The following LRIG1 variants were observed in gnomAD, a reference collection of about 807,000 sequenced individuals.
The protein encoded by LRIG1 is leucine rich repeats and immunoglobulin like domains 1, also known as leucine-rich repeats and immunoglobulin-like domains protein 1.
LRIG1 carries 48 observed loss-of-function variants against 99.2 expected under a neutral mutation model. That is an observed-to-expected ratio of 0.48 (90% confidence interval 0.38 to 0.62). The LOEUF is 0.62. LRIG1 is among the 20% of genes least tolerant of loss of function. The pLI is 0.00. For missense variants in LRIG1, 1,646 were observed against 1,434.4 expected (o/e 1.15, Z -2.38); for synonymous variants, 772 against 596.1 (o/e 1.29, Z -4.30).
chr3:66,478,159 C>T (rs17044689), intron 1 of LRIG1, among the ~76,000 whole-genome samples: 11,153 of 152,256 alleles, frequency 0.073, 1,224 homozygotes, highest in African/African-American at 0.24. Context: ...ACTTTCTGCA[C>T]GTTGCTACCA....
At chr3:66,392,757 G>A (rs13084883) in intron 12 of LRIG1, among the ~76,000 whole-genome samples, 31,555 of 152,166 alleles carry the variant, frequency 0.21, 3,515 homozygotes, top group Admixed American at 0.28. Context: ...CTGCCCTATG[G>A]CAGGAAAGGG....
intron 8 of LRIG1, chr3:66,406,330 T>TG (rs1268596300): frequency 1.8e-5 from 18 of 985,536 alleles, no homozygotes; most frequent in Non-Finnish European, 2.0e-5. Flanking sequence ...CCTGTCTCTC[T>TG]GCTCCTAGCC....
At position 66,401,431 on chromosome 3, in the gene LRIG1, T is replaced by A. The variant is rs575073799; in HGVS notation, c.1161-2390A>T. On this transcript the variant is annotated intron_variant, in intron 9 of 18. Transcript: ENST00000273261. ...ACTGTTTAGTGAAATCTCCTGTAAA[T>A]GAGATCCAGGAAAAAGCTGCGCTTT... Among the ~76,000 whole-genome samples, 8 of 152,340 alleles carry A rather than the reference T, an allele frequency of 5.3e-5. No individual in the cohort carries two copies. In the East Asian group the frequency reaches 1.4e-3, roughly 26 times the overall value.
intron 13 of LRIG1, 34 bp from the exon 14 acceptor site, chr3:66,384,306 G>C (rs369483136): frequency 2.5e-6 from 4 of 1,587,730 alleles, no homozygotes; most frequent in Admixed American, 3.4e-5. Context: ...TCGGGTTACG[G>C]GACAGCTAGA....
intron 1 of LRIG1, among the ~76,000 whole-genome samples, chr3:66,490,501 C>T (rs992976182): frequency 1.3e-5 from 2 of 152,240 alleles, no homozygotes; most frequent in South Asian, 2.1e-4. Flanking sequence ...AAAAATAAAA[C>T]GAAAACTAAG....
intron 1 of LRIG1, among the ~76,000 whole-genome samples, chr3:66,471,415 ACCT>A (rs1700592989): frequency 6.6e-6 from 1 of 152,104 alleles, no homozygotes; most frequent in Admixed American, 6.5e-5. Context: ...CTGAATCTTT[ACCT>A]CCTGGGAGCC....
At chr3:66,430,433 A>T (rs954462965) in intron 3 of LRIG1, among the ~76,000 whole-genome samples, 2 of 152,154 alleles carry the variant, frequency 1.3e-5, no homozygotes, top group Non-Finnish European at 2.9e-5. Flanking sequence ...TGCAATGTTG[A>T]GACAATTATG....
intron 13 of LRIG1, among the ~76,000 whole-genome samples, chr3:66,384,620 A>G (rs1701272502): frequency 6.6e-6 from 1 of 151,614 alleles, no homozygotes; most frequent in African/African-American, 2.4e-5. Flanking sequence ...CCACCAAGAG[A>G]GAGGCTGTGG....
intron 3 of LRIG1, among the ~76,000 whole-genome samples, chr3:66,440,323 T>G (rs1400803679): frequency 6.6e-6 from 1 of 152,078 alleles, no homozygotes; most frequent in Non-Finnish European, 1.5e-5. Flanking sequence ...CTACTATGAG[T>G]GAGAGCCACC....
intron 1 of LRIG1, among the ~76,000 whole-genome samples, chr3:66,499,444 C>T (rs1701303293): frequency 6.6e-6 from 1 of 152,164 alleles, no homozygotes; most frequent in African/African-American, 2.4e-5. Flanking sequence ...TCATCAAGCC[C>T]AATGGGGCCC....
intron 16 of LRIG1, among the ~76,000 whole-genome samples, chr3:66,381,950 C>G (rs192920722): frequency 2.7e-5 from 4 of 150,494 alleles, no homozygotes; most frequent in Non-Finnish European, 5.9e-5. Flanking sequence ...GACCTGGGCA[C>G]GTTCCCCATG....
At chr3:66,385,848 A>G (rs1442155645) in intron 13 of LRIG1, 133 bp downstream of exon 13, 4 of 837,018 alleles carry the variant, frequency 4.8e-6, no homozygotes, top group Non-Finnish European at 3.8e-6. Flanking sequence ...CCAGGCAACA[A>G]TAGGATTTAA....
At chr3:66,447,103 G>A (rs998707185) in intron 3 of LRIG1, among the ~76,000 whole-genome samples, 7 of 152,070 alleles carry the variant, frequency 4.6e-5, no homozygotes, top group Non-Finnish European at 8.8e-5. Context: ...GTACATAGTA[G>A]GTGTATATAT....
chr3:66,382,578 A>C (rs1264166276), intron 15 of LRIG1, among the ~76,000 whole-genome samples, 180 bp from the exon 16 acceptor site: 1 of 152,122 alleles, frequency 6.6e-6, no homozygotes, highest in East Asian at 1.9e-4. Context: ...GCTTTACTCT[A>C]CACCCAGCGT....
intron 15 of LRIG1, 115 bp from the exon 16 acceptor site, chr3:66,382,513 G>T: frequency 8.4e-7 from 1 of 1,194,566 alleles, no homozygotes; most frequent in Non-Finnish European, 1.2e-6. Context: ...TCAGCGCTGT[G>T]CAGAGAGATG....
chr3:66,453,957 A>C (rs1178929019), intron 2 of LRIG1, among the ~76,000 whole-genome samples: 1 of 152,228 alleles, frequency 6.6e-6, no homozygotes, highest in African/African-American at 2.4e-5. Flanking sequence ...GGGCATCATG[A>C]TATTTCAAAT....
At chr3:66,388,060 T>G (rs1701464253) in intron 12 of LRIG1, 1 of 116,298 alleles carries the variant, frequency 8.6e-6, no homozygotes, top group Non-Finnish European at 1.6e-5. Context: ...TGAGCCAAGA[T>G]CACGCCACTG....
intron 2 of LRIG1, among the ~76,000 whole-genome samples, chr3:66,455,639 G>A (rs1232931874): frequency 6.6e-6 from 1 of 152,216 alleles, no homozygotes; most frequent in Non-Finnish European, 1.5e-5. Flanking sequence ...GCAATTAATA[G>A]TAGTCAAAGT....
At chr3:66,498,858 AG>A (rs1426833101) in intron 1 of LRIG1, among the ~76,000 whole-genome samples, 4 of 152,236 alleles carry the variant, frequency 2.6e-5, no homozygotes, top group African/African-American at 9.6e-5. Flanking sequence ...TGAGAGGTAC[AG>A]GATCTTTACA....
Sources: allele counts gnomAD v4.1 joint callset (sites outside exome capture counted in the v4.1 genomes callset), GRCh38; gene constraint gnomAD v4.1.1; transcripts MANE v1.5; gene names NCBI Gene and HGNC (gene_info 2026-07-23, HGNC 2026-07-21).